CNTN5: variants seen among roughly 807,000 people sequenced by gnomAD.
The protein encoded by CNTN5 is contactin 5, also known as contactin-5.
In CNTN5, 77 loss-of-function variants were observed where a neutral mutation model predicts 129.1. The observed-to-expected ratio is 0.60, with a 90% CI of 0.50 to 0.72. CNTN5 has a LOEUF of 0.72. Ranked by LOEUF, CNTN5 falls within the 30% of genes least tolerant of loss-of-function variation. CNTN5 has a pLI of 0.00. For synonymous variants in CNTN5, 509 were observed against 465.6 expected (o/e 1.09, Z -1.20); for missense variants, 1,478 against 1,328.8 (o/e 1.11, Z -1.75).
At chr11:99,687,741 G>A (rs940637329) in intron 3 of CNTN5, among the ~76,000 whole-genome samples, 1 of 152,082 alleles carries the variant, frequency 6.6e-6, no homozygotes, top group Non-Finnish European at 1.5e-5. Flanking sequence ...TTATGTACCT[G>A]TACATTTCTC....
chr11:100,043,947 A>T (rs1224705979), intron 9 of CNTN5, among the ~76,000 whole-genome samples: 2 of 152,044 alleles, frequency 1.3e-5, no homozygotes, highest in African/African-American at 4.8e-5. Context: ...ACATGTATAT[A>T]TTGTGTAGTG....
Position 99,990,305 on chromosome 11 carries a change from C to A in CNTN5, c.878-11729C>A, listed in dbSNP as rs183021946. On this transcript the variant is annotated intron_variant, in intron 8 of 24. Transcript: ENST00000524871. Reference sequence around the variant, plus strand: ...GAAAGTGATTATAGTGTAAGCCAGCCCCTTGATCAATTTATTCCTGATGCT... The same window carrying A: ...GAAAGTGATTATAGTGTAAGCCAGCACCTTGATCAATTTATTCCTGATGCT... Among the ~76,000 whole-genome samples the A allele has an allele frequency of 1.8e-3, 275 of 151,808 alleles. 2 individuals are homozygous for A. Among genetic ancestry groups the A allele is most frequent in the African/African-American group, 6.4e-3 (263 of 41,376 alleles).
At chr11:99,597,525 A>T (rs1436253983) in intron 3 of CNTN5, among the ~76,000 whole-genome samples, 1 of 145,718 alleles carries the variant, frequency 6.9e-6, no homozygotes, top group East Asian at 2.1e-4. Context: ...AAAAAAAAAA[A>T]TATAGGTTGT....
intron 9 of CNTN5, among the ~76,000 whole-genome samples, chr11:100,059,327 T>C (rs1368486915): frequency 1.3e-5 from 2 of 152,154 alleles, no homozygotes; most frequent in African/African-American, 4.8e-5. Context: ...GGTTTATAGA[T>C]AATTTTCTAA....
chr11:99,929,836 G>T (rs966774180), intron 7 of CNTN5, among the ~76,000 whole-genome samples: 3 of 152,166 alleles, frequency 2.0e-5, no homozygotes, highest in Non-Finnish European at 4.4e-5. Flanking sequence ...TCTGAACAGG[G>T]TCCTTGGTCC....
intron 3 of CNTN5, among the ~76,000 whole-genome samples, chr11:99,788,131 T>C (rs1317661363): frequency 6.6e-6 from 1 of 152,004 alleles, no homozygotes; most frequent in Admixed American, 6.6e-5. Context: ...TTCCAGTTTG[T>C]ACACTTTTTC....
chr11:99,734,502 T>A (rs1245997533), intron 3 of CNTN5, among the ~76,000 whole-genome samples: 1 of 152,186 alleles, frequency 6.6e-6, no homozygotes, highest in Non-Finnish European at 1.5e-5. Flanking sequence ...TCATTTGTCA[T>A]AAGTGACTCC....
intron 3 of CNTN5, among the ~76,000 whole-genome samples, chr11:99,675,945 T>C (rs889046572): frequency 8.5e-5 from 13 of 152,120 alleles, no homozygotes; most frequent in South Asian, 4.1e-4. Flanking sequence ...GAAAATACTT[T>C]GAAAAATACA....
intron 6 of CNTN5, among the ~76,000 whole-genome samples, chr11:99,898,744 A>G (rs1284021396): frequency 7.2e-5 from 11 of 151,726 alleles, no homozygotes; most frequent in African/African-American, 2.7e-4. Context: ...ATGAAATCTT[A>G]CTACTTTTTA....
intron 1 of CNTN5, among the ~76,000 whole-genome samples, chr11:99,108,330 C>A (rs1857618932): frequency 6.6e-6 from 1 of 152,200 alleles, no homozygotes; most frequent in Non-Finnish European, 1.5e-5. Context: ...AAATATGATG[C>A]CTACACAACA....
rs762071870 is a variant in CNTN5, at chr11:99,260,189, ACT to A, written c.-209-65154_-209-65153del. On this transcript the variant is annotated intron_variant, in intron 1 of 24. Transcript: ENST00000524871. ...TGCAAACATAGATTCATATTTCTTAACTCTATTAATTTATTGTTTACATGTAA... is the reference window on the plus strand; with the variant it reads ...TGCAAACATAGATTCATATTTCTTAACTATTAATTTATTGTTTACATGTAA... 7.9e-5 allele frequency among the ~76,000 whole-genome samples: 12 copies of A among 151,682 alleles called. No homozygotes were observed. The South Asian group carries it at 2.3e-3, about 29-fold the overall frequency.
At chr11:100,137,558 A>T (rs1055126539) in intron 13 of CNTN5, among the ~76,000 whole-genome samples, 1 of 152,086 alleles carries the variant, frequency 6.6e-6, no homozygotes, top group African/African-American at 2.4e-5. Context: ...CAAATTATCC[A>T]TGTAATATTA....
At chr11:99,917,028 G>A (rs1280061978) in intron 7 of CNTN5, among the ~76,000 whole-genome samples, 1 of 151,912 alleles carries the variant, frequency 6.6e-6, no homozygotes, top group Non-Finnish European at 1.5e-5. Context: ...GCACAATTTG[G>A]CTCTACTGTA....
intron 13 of CNTN5, among the ~76,000 whole-genome samples, chr11:100,118,977 T>C (rs1284419768): frequency 6.6e-6 from 1 of 151,800 alleles, no homozygotes; most frequent in Non-Finnish European, 1.5e-5. Context: ...TCATAAGCCA[T>C]GTACATTTTC....
chr11:99,868,371 T>A (rs1235379989), intron 6 of CNTN5, among the ~76,000 whole-genome samples: 1 of 152,248 alleles, frequency 6.6e-6, no homozygotes, highest in Non-Finnish European at 1.5e-5. Context: ...ACTGTGCTTA[T>A]TGCTTTGTAT....
intron 13 of CNTN5, among the ~76,000 whole-genome samples, chr11:100,146,350 A>G (rs1057190188): frequency 6.6e-6 from 1 of 152,190 alleles, no homozygotes; most frequent in African/African-American, 2.4e-5. Context: ...ATTGTCATAT[A>G]TATTATAATG....
chr11:99,888,978 A>C (rs1425177725), intron 6 of CNTN5, among the ~76,000 whole-genome samples: 7 of 66,430 alleles, frequency 1.1e-4, no homozygotes, highest in Non-Finnish European at 1.4e-4. Context: ...TGTCATTAGC[A>C]AAAGGGAGGG....
At chr11:100,101,842 A>G (rs550240496) in intron 13 of CNTN5, among the ~76,000 whole-genome samples, 4 of 152,154 alleles carry the variant, frequency 2.6e-5, no homozygotes, top group Admixed American at 6.6e-5. Flanking sequence ...TTGGCTTTTT[A>G]TTCTTGAATT....
chr11:99,932,727 T>C (rs1427254205), intron 7 of CNTN5, among the ~76,000 whole-genome samples: 1 of 152,192 alleles, frequency 6.6e-6, no homozygotes, highest in Non-Finnish European at 1.5e-5. Context: ...GCCTGCTTCT[T>C]GGTAAATACT....
Sources: allele counts gnomAD v4.1 joint callset (sites outside exome capture counted in the v4.1 genomes callset), GRCh38; gene constraint gnomAD v4.1.1; transcripts MANE v1.5; gene names NCBI Gene and HGNC (gene_info 2026-07-23, HGNC 2026-07-21).